Variants in CLEC12A observed in about 807,000 individuals in gnomAD.
CLEC12A encodes C-type lectin domain family 12 member A.
In CLEC12A, 22 loss-of-function variants were observed where a neutral mutation model predicts 26.5. That is an observed-to-expected ratio of 0.83 (90% confidence interval 0.59 to 1.19). The LOEUF (loss-of-function observed/expected upper bound fraction) is 1.19, where lower values mean the gene tolerates loss of function less well. Ranked by LOEUF, CLEC12A falls within the 50% of genes most tolerant of loss-of-function variation. The pLI, the probability that CLEC12A is intolerant of heterozygous loss-of-function variation, is 0.00. For synonymous variants in CLEC12A, 119 were observed against 101.9 expected (o/e 1.17, Z -1.01); for missense variants, 353 against 315.6 (o/e 1.12, Z -0.90).
upstream of CLEC12A, among the ~76,000 whole-genome samples, chr12:9,971,219 G>T (rs1478223388): frequency 6.6e-6 from 1 of 152,144 alleles, no homozygotes; most frequent in Non-Finnish European, 1.5e-5. Flanking sequence ...CACTATGTCT[G>T]CACCATGTGG....
downstream of CLEC12A, chr12:9,999,037 C>A (rs766141113): frequency 1.3e-6 from 2 of 1,572,718 alleles, no homozygotes; most frequent in Non-Finnish European, 1.7e-6. Context: ...GCATTCTTAC[C>A]GGAGATGAGA....
chr12:9,976,830 G>C (rs1591828433), intron 1 of CLEC12A, among the ~76,000 whole-genome samples: 1 of 152,112 alleles, frequency 6.6e-6, no homozygotes. Context: ...TATGGTAGGG[G>C]TGTTTCTCGT....
chr12:9,962,774 C>T (rs963094227), intron 1 of CLEC12A, among the ~76,000 whole-genome samples: 5 of 152,054 alleles, frequency 3.3e-5, no homozygotes, highest in East Asian at 1.9e-4. Flanking sequence ...AGGCAGGAAC[C>T]GGCCATCTGG....
downstream of CLEC12A, chr12:9,997,009 A>G (rs1280416724): frequency 1.2e-6 from 2 of 1,613,468 alleles, no homozygotes; most frequent in Admixed American, 1.7e-5. Flanking sequence ...TTCTGGAGAA[A>G]CCAAGCACAG....
intron 1 of CLEC12A, among the ~76,000 whole-genome samples, chr12:9,963,207 AG>A (rs1380047765): frequency 6.6e-6 from 1 of 152,186 alleles, no homozygotes; most frequent in Non-Finnish European, 1.5e-5. Context: ...AGAGTGTCCA[AG>A]GGGGTTCAGC....
downstream of CLEC12A, chr12:9,998,310 A>G (rs749323332): frequency 3.5e-5 from 56 of 1,613,968 alleles, no homozygotes; most frequent in Non-Finnish European, 4.7e-5. Flanking sequence ...CCAGCCCGAC[A>G]ACCATCCCCA....
downstream of CLEC12A, chr12:9,996,830 A>G (rs1565571136): frequency 1.9e-6 from 3 of 1,613,842 alleles, no homozygotes; most frequent in Non-Finnish European, 2.5e-6. Flanking sequence ...AATATTTGAC[A>G]TAAGAATCTT....
At chr12:9,972,056 GTGTGT>G (rs138074498) in intron 1 of CLEC12A, among the ~76,000 whole-genome samples, 5,213 of 145,128 alleles carry the variant, frequency 0.036, 279 homozygotes, top group African/African-American at 0.13. Flanking sequence ...GTGTGTGTGT[GTGTGT>G]TTTTTTTTTT....
intron 4 of CLEC12A, 149 bp from the exon 5 acceptor site, chr12:9,981,871 T>C (rs946957698): frequency 3.0e-5 from 15 of 497,866 alleles, no homozygotes; most frequent in Non-Finnish European, 4.2e-5. Flanking sequence ...AGGAGTACTT[T>C]CTTTCAATTT....
chr12:9,975,380 T>TG (rs1218212727), intron 1 of CLEC12A, among the ~76,000 whole-genome samples: 1 of 152,100 alleles, frequency 6.6e-6, no homozygotes, highest in Non-Finnish European at 1.5e-5. Flanking sequence ...TGGTCTCAGA[T>TG]GGAGATGAGG....
chr12:10,006,110 A>G, the CLEC12A span, among the ~76,000 whole-genome samples: 1 of 152,220 alleles, frequency 6.6e-6, no homozygotes, highest in African/African-American at 2.4e-5. Flanking sequence ...ATATTTTCTG[A>G]CAAGTTTAAT....
At chr12:9,987,678 A>G (rs902511318), downstream of CLEC12A, among the ~76,000 whole-genome samples, 5 of 152,234 alleles carry the variant, frequency 3.3e-5, no homozygotes, top group African/African-American at 1.2e-4. Flanking sequence ...AAGGGCTTAC[A>G]ACTACCTTCC....
rs1864576658 is a variant in CLEC12A, at chr12:9,982,001, C to T, written c.532-19C>T. 8.4e-7 allele frequency: 1 copy of T among 1,197,260 alleles called. No homozygotes were observed. The highest frequency in any genetic ancestry group is 1.5e-5 in the African/African-American group (1 of 65,976). 74.2% of individuals were successfully genotyped at this position (1,197,260 alleles called of 1,614,324 possible). A position where few individuals can be genotyped will look rare whatever the true frequency, so the allele number is the denominator to read the frequency against. Reference sequence around the variant, plus strand: ...AGTAGGAGACTGTTTCTTAAACAGACTATCTGTATTTCCTGTAGGAATTTA... The same window carrying T: ...AGTAGGAGACTGTTTCTTAAACAGATTATCTGTATTTCCTGTAGGAATTTA... On this transcript the variant is annotated intron_variant, in intron 4 of 5. Coordinates refer to ENST00000304361, the MANE Select transcript of CLEC12A (RefSeq NM_138337.6).
downstream of CLEC12A, among the ~76,000 whole-genome samples, chr12:10,000,223 T>C (rs1211057131): frequency 6.6e-6 from 1 of 152,250 alleles, no homozygotes; most frequent in Non-Finnish European, 1.5e-5. Context: ...CTTTTCAATA[T>C]AGTGATTATG....
intron 4 of CLEC12A, chr12:9,993,052 AAT>A: frequency 8.2e-7 from 1 of 1,220,056 alleles, no homozygotes; most frequent in Non-Finnish European, 1.1e-6. Context: ...GAAAGGGAGA[AAT>A]AAGCAATTTT....
chr12:9,977,452 C>T (rs929751762), intron 1 of CLEC12A, among the ~76,000 whole-genome samples: 4 of 152,186 alleles, frequency 2.6e-5, no homozygotes, highest in African/African-American at 9.6e-5. Flanking sequence ...CAAATAAAAC[C>T]TTTAACATCA....
At chr12:9,991,555 T>A (rs1186482448) in intron 4 of CLEC12A, 2 of 152,080 alleles carry the variant, frequency 1.3e-5, no homozygotes, top group African/African-American at 4.8e-5. Flanking sequence ...ATCACCCAAA[T>A]CCAAGATCTC....
At chr12:9,958,115 T>C (rs1484796281) in intron 1 of CLEC12A, among the ~76,000 whole-genome samples, 2 of 152,180 alleles carry the variant, frequency 1.3e-5, no homozygotes, top group African/African-American at 2.4e-5. Context: ...CTTCTGAAAC[T>C]AGAGGGTATA....
Position 9,980,684 on chromosome 12 carries a change from G to C in CLEC12A, c.482G>C (p.Cys161Ser), listed in dbSNP as rs755873492. ...VQTWQESKMA[C>S]AAQNASLLKI... ...ACATGGCAGGAGAGTAAAATGGCCT[G>C]TGCTGCTCAGAATGCCAGCCTGTTG... The change falls in exon 4 of 6, where the codon TGT (cysteine) becomes TCT (serine). Residue 161 changes from cysteine to serine, a missense_variant. By Grantham distance (112) the Cys-to-Ser change is moderately radical. Transcript: ENST00000304361. 10 of 1,613,712 alleles carry C rather than the reference G, an allele frequency of 6.2e-6. No homozygotes were observed. Among genetic ancestry groups the C allele is most frequent in the Non-Finnish European group, 8.5e-6 (10 of 1,179,856 alleles).
Sources: allele counts gnomAD v4.1 joint callset (sites outside exome capture counted in the v4.1 genomes callset), GRCh38; gene constraint gnomAD v4.1.1; transcripts MANE v1.5; gene names NCBI Gene and HGNC (gene_info 2026-07-23, HGNC 2026-07-21).